PCDH7: variants seen among roughly 807,000 people sequenced by gnomAD.
PCDH7 encodes the protein protocadherin-7.
PCDH7 carries 17 observed loss-of-function variants against 58.9 expected under a neutral mutation model. That is an observed-to-expected ratio of 0.29 (90% CI 0.20 to 0.43). The LOEUF (loss-of-function observed/expected upper bound fraction) is 0.43. PCDH7 is among the 20% of genes least tolerant of loss of function. The pLI is 1.00. For synonymous variants in PCDH7, 664 were observed against 616.4 expected (o/e 1.08, Z -1.14); for missense variants, 1,274 against 1,441.0 (o/e 0.88, Z 1.88).
intron 1 of PCDH7, among the ~76,000 whole-genome samples, chr4:30,804,806 G>T (rs1321989686): frequency 6.6e-6 from 1 of 152,092 alleles, no homozygotes; most frequent in Non-Finnish European, 1.5e-5. Context: ...ACTAAAATAA[G>T]GTCTCTGACT....
chr4:30,742,709 A>C (rs1319727938), intron 1 of PCDH7, among the ~76,000 whole-genome samples: 1 of 152,156 alleles, frequency 6.6e-6, no homozygotes, highest in Non-Finnish European at 1.5e-5. Flanking sequence ...GATCTTTGTC[A>C]TTAGTATACT....
At chr4:31,140,835 A>G (rs1578905025) in intron 3 of PCDH7, among the ~76,000 whole-genome samples, 1 of 152,142 alleles carries the variant, frequency 6.6e-6, no homozygotes, top group Non-Finnish European at 1.5e-5. Flanking sequence ...AAATTAAGAG[A>G]ATCTGCTCAC....
chr4:31,081,774 C>CTT (rs200658213), intron 3 of PCDH7, among the ~76,000 whole-genome samples: 21 of 142,094 alleles, frequency 1.5e-4, no homozygotes, highest in African/African-American at 2.8e-4. Flanking sequence ...TTTTTAATTT[C>CTT]TTTTTTTTTT....
chr4:30,861,022 AT>A (rs1560444046), intron 1 of PCDH7, among the ~76,000 whole-genome samples: 3 of 152,180 alleles, frequency 2.0e-5, no homozygotes, highest in Admixed American at 6.6e-5. Flanking sequence ...TTGCATGGAC[AT>A]TTGCAGTTTA....
At chr4:31,102,989 A>C (rs1187331059) in intron 3 of PCDH7, among the ~76,000 whole-genome samples, 1 of 152,174 alleles carries the variant, frequency 6.6e-6, no homozygotes, top group African/African-American at 2.4e-5. Flanking sequence ...ATAATTTTTC[A>C]TGTTTGCAGG....
At chr4:30,738,299 C>T (rs946944485) in intron 1 of PCDH7, among the ~76,000 whole-genome samples, 3 of 151,872 alleles carry the variant, frequency 2.0e-5, no homozygotes, top group Non-Finnish European at 4.4e-5. Flanking sequence ...ACACACAGCC[C>T]GTCCATTCCT....
At chr4:30,762,257 G>T (rs566863453) in intron 1 of PCDH7, among the ~76,000 whole-genome samples, 5 of 151,956 alleles carry the variant, frequency 3.3e-5, no homozygotes, top group South Asian at 2.1e-4. Flanking sequence ...CTTAAAATTC[G>T]CATTTTTTCC....
intron 3 of PCDH7, among the ~76,000 whole-genome samples, chr4:31,085,902 T>G (rs564808607): frequency 6.6e-6 from 1 of 151,416 alleles, no homozygotes; most frequent in South Asian, 2.1e-4. Flanking sequence ...ATCTCAGGCT[T>G]TCATTTACAA....
intron 3 of PCDH7, among the ~76,000 whole-genome samples, chr4:31,051,345 C>T (rs894119455): frequency 8.5e-5 from 13 of 152,106 alleles, no homozygotes; most frequent in Non-Finnish European, 1.5e-5. Flanking sequence ...AGGAGTGTGG[C>T]ACCTGAAGGT....
At chr4:31,017,589 A>T (rs1039746674) in intron 3 of PCDH7, among the ~76,000 whole-genome samples, 1 of 152,146 alleles carries the variant, frequency 6.6e-6, no homozygotes, top group Non-Finnish European at 1.5e-5. Context: ...ACATATATAT[A>T]TGCATATGCA....
At chr4:30,749,368 A>C (rs898252644) in intron 1 of PCDH7, among the ~76,000 whole-genome samples, 5 of 152,282 alleles carry the variant, frequency 3.3e-5, no homozygotes, top group African/African-American at 1.2e-4. Context: ...AGAAAATTTC[A>C]ATCGGTGCAA....
chr4:30,812,851 A>T (rs1727194833), intron 1 of PCDH7, among the ~76,000 whole-genome samples: 1 of 152,176 alleles, frequency 6.6e-6, no homozygotes. Context: ...TATGAATTTA[A>T]TTTTTCAGCT....
chr4:30,811,121 A>G (rs1487282053), intron 1 of PCDH7, among the ~76,000 whole-genome samples: 1 of 152,218 alleles, frequency 6.6e-6, no homozygotes, highest in Non-Finnish European at 1.5e-5. Flanking sequence ...ACAACTGGAT[A>G]ACCTGAATGA....
intron 3 of PCDH7, among the ~76,000 whole-genome samples, chr4:31,077,798 C>A (rs1759130891): frequency 6.6e-6 from 1 of 152,100 alleles, no homozygotes. Flanking sequence ...AATATTGCTA[C>A]TTGGAGAATT....
chr4:31,094,604 C>A (rs1276336503), intron 3 of PCDH7, among the ~76,000 whole-genome samples: 1 of 152,088 alleles, frequency 6.6e-6, no homozygotes, highest in Non-Finnish European at 1.5e-5. Context: ...AAGGCACATC[C>A]AGCAGTGGGA....
intron 1 of PCDH7, among the ~76,000 whole-genome samples, chr4:30,861,647 T>C (rs994353770): frequency 2.6e-5 from 4 of 152,176 alleles, no homozygotes; most frequent in Admixed American, 1.3e-4. Context: ...AAATTTCTAG[T>C]GTAGTACTAT....
At chr4:30,815,046 A>G (rs1396364461) in intron 1 of PCDH7, among the ~76,000 whole-genome samples, 2 of 152,158 alleles carry the variant, frequency 1.3e-5, no homozygotes, top group African/African-American at 4.8e-5. Flanking sequence ...AATAAAAAAG[A>G]GAATACAGCT....
intron 1 of PCDH7, among the ~76,000 whole-genome samples, chr4:30,774,040 G>A (rs937883467): frequency 9.9e-5 from 15 of 152,076 alleles, no homozygotes; most frequent in Non-Finnish European, 1.5e-5. Context: ...CTTCAGTTAC[G>A]CTTTTTCAGC....
chr4:31,115,815 T>G (rs2109317076), intron 3 of PCDH7, among the ~76,000 whole-genome samples: 1 of 152,332 alleles, frequency 6.6e-6, no homozygotes, highest in African/African-American at 2.4e-5. Context: ...ATATACATTT[T>G]GCCAGCTCAG....
Sources: gnomAD v4.1 joint callset for allele counts (sites outside exome capture counted in the v4.1 genomes callset) on GRCh38, gnomAD v4.1.1 for gene constraint, MANE v1.5 for transcripts, NCBI Gene and HGNC (gene_info 2026-07-23, HGNC 2026-07-21) for gene names.